Variants in STX18 observed in about 807,000 individuals in gnomAD.
STX18 encodes syntaxin-18.
STX18 carries 40 observed loss-of-function variants against 50.1 expected under a neutral mutation model. The ratio of observed to expected loss-of-function variants is 0.80; its 90% CI spans 0.62 to 1.04. The LOEUF (loss-of-function observed/expected upper bound fraction) is 1.04. Among genes scored for constraint, STX18 ranks in the 50% least tolerant of loss-of-function variants. The pLI, the probability that STX18 is intolerant of heterozygous loss-of-function variation, is 0.00. For missense variants in STX18, 410 were observed against 415.8 expected (o/e 0.99, Z 0.12); for synonymous variants, 158 against 151.8 (o/e 1.04, Z -0.30).
In STX18 at chr4:4,459,438, T is replaced by C. The variant is rs1727261234; in HGVS notation, c.286A>G (p.Ile96Val). 1.2e-6 allele frequency: 2 copies of C among 1,614,078 alleles called. No homozygotes were observed. Among genetic ancestry groups the C allele is most frequent in the African/African-American group, 1.3e-5 (1 of 74,944 alleles). Residue 96 changes from isoleucine to valine, a missense_variant, in exon 3 of 11, where the codon ATA (isoleucine) becomes GTA (valine). Transcript: ENST00000306200. ...GRMTDTERDQ[I>V]DQDAQIFMRT... Reference sequence around the variant, plus strand: ...ATGAATATCTGGGCATCCTGGTCTATCTGGTCTCGTTCTGTGTCTGTCATC... The same window carrying C: ...ATGAATATCTGGGCATCCTGGTCTACCTGGTCTCGTTCTGTGTCTGTCATC...
chr4:4,520,740 A>C (rs1223809230), intron 1 of STX18, among the ~76,000 whole-genome samples: 3 of 152,206 alleles, frequency 2.0e-5, no homozygotes, highest in African/African-American at 7.2e-5. Context: ...AGAAAAAAAA[A>C]CACTGATTCC....
intron 1 of STX18, chr4:4,507,352 A>C: frequency 1.3e-6 from 1 of 750,230 alleles, no homozygotes; most frequent in Non-Finnish European, 2.5e-6. Context: ...AGCCAAGGAA[A>C]TTGAAGTTGG....
chr4:4,520,071 C>G (rs970955741), intron 1 of STX18, among the ~76,000 whole-genome samples: 1 of 152,150 alleles, frequency 6.6e-6, no homozygotes, highest in East Asian at 1.9e-4. Flanking sequence ...CATTCCTTCA[C>G]AGTAAAACAT....
intron 1 of STX18, among the ~76,000 whole-genome samples, chr4:4,485,340 T>C (rs908245001): frequency 2.6e-5 from 4 of 152,182 alleles, no homozygotes; most frequent in African/African-American, 4.8e-5. Flanking sequence ...GTCTCACCCA[T>C]AGGGCAAGGT....
chr4:4,537,182 A>C (rs919672566), intron 1 of STX18, among the ~76,000 whole-genome samples: 1 of 152,210 alleles, frequency 6.6e-6, no homozygotes, highest in African/African-American at 2.4e-5. Context: ...ACTATGAGGC[A>C]TCTCTAGGCC....
At chr4:4,474,043 T>TC (rs1728056294) in intron 1 of STX18, among the ~76,000 whole-genome samples, 1 of 151,968 alleles carries the variant, frequency 6.6e-6, no homozygotes, top group Non-Finnish European at 1.5e-5. Context: ...TCCCAGGCCT[T>TC]CCCCTCACTT....
chr4:4,530,419 C>T lies in STX18; in HGVS notation c.168+11378G>A, dbSNP rs1012566147. Among the ~76,000 whole-genome samples the T allele has an allele frequency of 3.3e-5, 5 of 151,248 alleles. No homozygotes were observed. In the South Asian group the frequency reaches 8.3e-4, roughly 25 times the overall value. On this transcript the variant is annotated intron_variant, in intron 1 of 10. Transcript: ENST00000306200. ...ATAATATATAATTCTCATGTCATGA[C>T]ATACTCTTCAGTATGTCACATTTAC...
chr4:4,483,450 A>C (rs893507074), intron 1 of STX18, among the ~76,000 whole-genome samples: 2 of 151,856 alleles, frequency 1.3e-5, no homozygotes, highest in Admixed American at 6.6e-5. Context: ...CTTCCTCCTC[A>C]CTCCTTCCAG....
intron 1 of STX18, 106 bp downstream of exon 1, chr4:4,541,691 C>T (rs1577418731): frequency 3.0e-6 from 4 of 1,320,890 alleles, no homozygotes; most frequent in South Asian, 1.5e-5. Context: ...CTTAGAGCCA[C>T]CCCCTTCACA....
At chr4:4,463,128 G>A (rs922947715) in intron 2 of STX18, among the ~76,000 whole-genome samples, 7 of 152,196 alleles carry the variant, frequency 4.6e-5, no homozygotes, top group Admixed American at 3.9e-4. Flanking sequence ...CTTCCTGAGT[G>A]AGTATCCCTC....
chr4:4,442,208 G>A (rs1726149370), intron 5 of STX18, among the ~76,000 whole-genome samples: 1 of 152,126 alleles, frequency 6.6e-6, no homozygotes, highest in African/African-American at 2.4e-5. Context: ...AAGTTGCACT[G>A]GGATAATCGG....
In STX18 at chr4:4,419,292, G is replaced by A; in HGVS notation, c.*742C>T. 1 of 152,376 alleles carries A rather than the reference G, an allele frequency of 6.6e-6. No individual in the cohort carries two copies. The highest frequency in any genetic ancestry group is 2.1e-4 in the South Asian group (1 of 4,826). The allele number at this position is 152,376 out of a possible 1,614,324, so 9.4% of individuals were successfully genotyped here. ...TTTGAACAAAGGCTCCTTGGACCCA[G>A]TGGCGGGAAACTGGCCCTCCCACAC... On this transcript the variant is annotated 3_prime_UTR_variant, in exon 11 of 11. Coordinates refer to ENST00000306200, the MANE Select transcript of STX18 (RefSeq NM_016930.4).
intron 1 of STX18, among the ~76,000 whole-genome samples, chr4:4,475,411 T>C (rs529089004): frequency 6.6e-6 from 1 of 152,082 alleles, no homozygotes; most frequent in South Asian, 2.1e-4. Context: ...TAAAGGAACA[T>C]TAAGATTTCT....
At chr4:4,479,157 T>C (rs777676501) in intron 1 of STX18, among the ~76,000 whole-genome samples, 2 of 152,222 alleles carry the variant, frequency 1.3e-5, no homozygotes, top group African/African-American at 2.4e-5. Flanking sequence ...CTACATACTA[T>C]ACGGCAGGCA....
intron 7 of STX18, 137 bp from the exon 8 acceptor site, chr4:4,425,359 G>A (rs1725193338): frequency 2.7e-6 from 2 of 746,632 alleles, no homozygotes; most frequent in Admixed American, 2.0e-5. Flanking sequence ...GCCGGTGCTG[G>A]ACGACCGTTA....
chr4:4,468,529 C>G (rs922844331), intron 2 of STX18, among the ~76,000 whole-genome samples: 7 of 152,106 alleles, frequency 4.6e-5, no homozygotes, highest in Non-Finnish European at 1.0e-4. Context: ...GAAATAAAGT[C>G]ACCTTCCTTT....
At chr4:4,474,000 T>C (rs980447136) in intron 1 of STX18, among the ~76,000 whole-genome samples, 4 of 152,126 alleles carry the variant, frequency 2.6e-5, no homozygotes, top group African/African-American at 9.7e-5. Context: ...TGAAAGTCCC[T>C]GCCGCACACC....
intron 1 of STX18, among the ~76,000 whole-genome samples, chr4:4,511,369 A>G (rs1015974266): frequency 6.6e-6 from 1 of 152,222 alleles, no homozygotes; most frequent in African/African-American, 2.4e-5. Flanking sequence ...GTTCTATGAA[A>G]CTGAACACTT....
At chr4:4,535,016 C>G (rs1731266757) in intron 1 of STX18, among the ~76,000 whole-genome samples, 1 of 152,246 alleles carries the variant, frequency 6.6e-6, no homozygotes, top group Non-Finnish European at 1.5e-5. Context: ...TCTAGTCACA[C>G]CAGTCTTGCC....
Sources: allele counts gnomAD v4.1 joint callset (sites outside exome capture counted in the v4.1 genomes callset), GRCh38; gene constraint gnomAD v4.1.1; transcripts MANE v1.5; gene names NCBI Gene and HGNC (gene_info 2026-07-23, HGNC 2026-07-21).